The following MAP7 variants were observed in gnomAD, a reference collection of about 807,000 sequenced individuals.
MAP7 encodes microtubule associated protein 7, also known as ensconsin.
In MAP7, 52 loss-of-function variants were observed where a neutral mutation model predicts 94.8. That is an observed-to-expected ratio of 0.55 (90% CI 0.44 to 0.69). The LOEUF (loss-of-function observed/expected upper bound fraction) is 0.69. MAP7 is among the 30% of genes least tolerant of loss of function. MAP7 has a pLI of 0.00. For synonymous variants in MAP7, 350 were observed against 357.0 expected (o/e 0.98, Z 0.22); for missense variants, 940 against 964.6 (o/e 0.97, Z 0.34).
intron 1 of MAP7, among the ~76,000 whole-genome samples, chr6:136,441,508 T>C (rs900052975): frequency 2.6e-5 from 4 of 152,248 alleles, no homozygotes; most frequent in African/African-American, 7.2e-5. Context: ...TTTGTTCATT[T>C]TGCCATTAAA....
rs185091795 is a variant in MAP7, at chr6:136,394,557, T to G, written c.245-5040A>C. On this transcript the variant is annotated intron_variant, in intron 3 of 17. Coordinates refer to ENST00000354570, the MANE Select transcript of MAP7 (RefSeq NM_003980.6). ...TAGGATACCTATCACCTCAGACATTTATTACTTCTTTGTGTTGGGAACATT... is the reference window on the plus strand; with the variant it reads ...TAGGATACCTATCACCTCAGACATTGATTACTTCTTTGTGTTGGGAACATT... 7.9e-5 allele frequency among the ~76,000 whole-genome samples: 12 copies of G among 152,274 alleles called. No individual in the cohort carries two copies. The East Asian group carries it at 2.3e-3, about 29-fold the overall frequency.
chr6:136,462,653 G>A (rs936375974), intron 1 of MAP7, among the ~76,000 whole-genome samples: 2 of 152,098 alleles, frequency 1.3e-5, no homozygotes, highest in Non-Finnish European at 2.9e-5. Flanking sequence ...GTGAGTGGAT[G>A]ATGGTATTTA....
Position 136,360,999 on chromosome 6 carries a change from C to A in MAP7, c.1701+6G>T. The A allele has an allele frequency of 6.4e-7, 1 of 1,562,516 alleles. No homozygotes were observed. Among genetic ancestry groups the A allele is most frequent in the Admixed American group, 1.9e-5 (1 of 52,878 alleles). On this transcript the variant is annotated splice_donor_region_variant and intron_variant, in intron 12 of 17. Transcript: ENST00000354570. ...GGGCCGGGGCCAGGGTGGGGTGCGG[C>A]CGCACCTGCCTCTGGGCGCGCTCTG...
chr6:136,444,462 G>A (rs547862291), intron 1 of MAP7, among the ~76,000 whole-genome samples: 47 of 152,308 alleles, frequency 3.1e-4, no homozygotes, highest in African/African-American at 1.1e-3. Context: ...ATAGGCATTT[G>A]TTATAAGCTA....
At chr6:136,541,058 A>C (rs1002358551) in intron 1 of MAP7, among the ~76,000 whole-genome samples, 1 of 152,208 alleles carries the variant, frequency 6.6e-6, no homozygotes, top group African/African-American at 2.4e-5. Context: ...TCTACCATGA[A>C]TAGAAACCAG....
At chr6:136,346,255 C>T (rs371111539) in intron 16 of MAP7, among the ~76,000 whole-genome samples, 176 bp from the exon 17 acceptor site, 42 of 152,154 alleles carry the variant, frequency 2.8e-4, no homozygotes, top group African/African-American at 9.9e-4. Context: ...GTATTTGTAC[C>T]TTAAATTCTT....
At chr6:136,454,668 G>A (rs1802300171) in intron 1 of MAP7, among the ~76,000 whole-genome samples, 1 of 151,918 alleles carries the variant, frequency 6.6e-6, no homozygotes, top group South Asian at 2.1e-4. Context: ...ATTTTGGGAG[G>A]CTGAGGCGGG....
intron 3 of MAP7, among the ~76,000 whole-genome samples, chr6:136,400,904 C>G (rs1273078489): frequency 6.6e-6 from 1 of 152,226 alleles, no homozygotes; most frequent in Non-Finnish European, 1.5e-5. Flanking sequence ...CAAACTGGAA[C>G]TTTCTTTGTC....
intron 1 of MAP7, among the ~76,000 whole-genome samples, chr6:136,444,612 A>C (rs1284776241): frequency 6.6e-6 from 1 of 152,140 alleles, no homozygotes; most frequent in Non-Finnish European, 1.5e-5. Context: ...GTTTTCCTTA[A>C]CCTGTTCCTT....
intron 1 of MAP7, among the ~76,000 whole-genome samples, chr6:136,485,155 G>C (rs934916087): frequency 3.3e-5 from 5 of 152,168 alleles, no homozygotes; most frequent in African/African-American, 1.2e-4. Context: ...GTGTCTCTTA[G>C]AGAATTTTAA....
intron 1 of MAP7, among the ~76,000 whole-genome samples, chr6:136,520,821 G>A (rs183891235): frequency 4.1e-4 from 63 of 152,346 alleles, no homozygotes; most frequent in African/African-American, 1.4e-3. Context: ...GCAAGAACAT[G>A]ATGGAGCAGG....
chr6:136,502,194 A>T (rs1195606018), intron 1 of MAP7, among the ~76,000 whole-genome samples: 3 of 152,246 alleles, frequency 2.0e-5, no homozygotes, highest in Non-Finnish European at 4.4e-5. Context: ...GCAACAATAG[A>T]TCCAGCTCAT....
intron 1 of MAP7, among the ~76,000 whole-genome samples, chr6:136,535,485 T>C (rs1302526664): frequency 6.6e-6 from 1 of 152,176 alleles, no homozygotes; most frequent in Non-Finnish European, 1.5e-5. Context: ...AAAAATTACA[T>C]ACAATTCTCC....
chr6:136,366,092 C>T (rs928545614), intron 9 of MAP7, 74 bp from the exon 10 acceptor site: 320 of 1,447,064 alleles, frequency 2.2e-4, no homozygotes, highest in Non-Finnish European at 2.1e-4. Context: ...GAACACGACT[C>T]GATGGAAGAG....
At chr6:136,541,735 T>C (rs1471304343) in intron 1 of MAP7, among the ~76,000 whole-genome samples, 1 of 152,202 alleles carries the variant, frequency 6.6e-6, no homozygotes, top group Non-Finnish European at 1.5e-5. Flanking sequence ...TTTCTCAGTG[T>C]CAAATACTAT....
intron 10 of MAP7, among the ~76,000 whole-genome samples, chr6:136,365,410 C>G (rs909265120): frequency 1.3e-5 from 2 of 152,128 alleles, no homozygotes; most frequent in African/African-American, 4.8e-5. Flanking sequence ...ATCTGGTTAC[C>G]CTGGCAGAGG....
intron 1 of MAP7, among the ~76,000 whole-genome samples, chr6:136,431,525 T>TTTATTTAA (rs1554254573): frequency 2.1e-5 from 3 of 139,564 alleles, no homozygotes; most frequent in African/African-American, 8.7e-5. Flanking sequence ...TATTTATTTA[T>TTTATTTAA]TTAATTTTTT....
rs1554242697 is a variant in MAP7, at chr6:136,393,978, A to AATTTTTTTTTTTTTTTTTTTTTTTTTT, written c.245-4462_245-4461insAAAAAAAAAAAAAAAAAAAAAAAAAAT. On this transcript the variant is annotated intron_variant, in intron 3 of 17. Coordinates refer to ENST00000354570, the MANE Select transcript of MAP7 (RefSeq NM_003980.6). Reference sequence around the variant, plus strand: ...GTTCTGATATCTCTGCAGCAAAGGTATTTTTTTTTTTTTTTTTTTTTTTGA... The same window carrying AATTTTTTTTTTTTTTTTTTTTTTTTTT: ...GTTCTGATATCTCTGCAGCAAAGGTAATTTTTTTTTTTTTTTTTTTTTTTTTTTTTTTTTTTTTTTTTTTTTTTTTGA... 5.5e-5 allele frequency among the ~76,000 whole-genome samples: 2 copies of AATTTTTTTTTTTTTTTTTTTTTTTTTT among 36,204 alleles called. 1 individual carries two copies. The allele number at this position is 36,204 out of a possible 152,430, so 23.8% of individuals were successfully genotyped here.
At chr6:136,525,899 A>G in intron 1 of MAP7, 1 of 1,535,102 alleles carries the variant, frequency 6.5e-7, no homozygotes, top group South Asian at 1.2e-5. Context: ...ATAAACCAAG[A>G]GGAATTGGCC....
Sources: gnomAD v4.1 joint callset for allele counts (sites outside exome capture counted in the v4.1 genomes callset) on GRCh38, gnomAD v4.1.1 for gene constraint, MANE v1.5 for transcripts, NCBI Gene and HGNC (gene_info 2026-07-23, HGNC 2026-07-21) for gene names.